Variants in PTPRG observed in about 807,000 individuals in gnomAD.
The protein encoded by PTPRG is receptor-type tyrosine-protein phosphatase gamma.
In PTPRG, 102 loss-of-function variants were observed where a neutral mutation model predicts 165.3. That is an observed-to-expected ratio of 0.62 (90% CI 0.53 to 0.73). The LOEUF is 0.73. PTPRG is among the 30% of genes least tolerant of loss of function. The pLI is 0.00. For synonymous variants in PTPRG, 675 were observed against 669.5 expected (o/e 1.01, Z -0.13); for missense variants, 1,866 against 1,861.4 (o/e 1.00, Z -0.05).
intron 2 of PTPRG, among the ~76,000 whole-genome samples, chr3:61,890,423 G>GTT (rs11328993): frequency 1.7e-5 from 2 of 119,226 alleles, no homozygotes; most frequent in Non-Finnish European, 3.5e-5. Context: ...TTTTTTTTTT[G>GTT]TTTTTTTTTT....
chr3:61,839,955 C>G (rs186994142), intron 2 of PTPRG, among the ~76,000 whole-genome samples: 2 of 152,182 alleles, frequency 1.3e-5, no homozygotes, highest in Admixed American at 6.5e-5. Flanking sequence ...GGTACTATTT[C>G]TTTTTCCTCC....
At chr3:62,109,904 A>G (rs913041618) in intron 5 of PTPRG, among the ~76,000 whole-genome samples, 1 of 152,036 alleles carries the variant, frequency 6.6e-6, no homozygotes, top group African/African-American at 2.4e-5. Context: ...TTCATCACCT[A>G]GTGGGCCATT....
intron 2 of PTPRG, among the ~76,000 whole-genome samples, chr3:61,773,163 GA>G (rs1353613830): frequency 6.6e-6 from 1 of 152,138 alleles, no homozygotes; most frequent in East Asian, 1.9e-4. Context: ...CAGAGGGGTT[GA>G]ATGTATGCAA....
rs757775460 is a variant in PTPRG at position 62,265,891 on chromosome 3, TTA to T, written c.2657-1514_2657-1513del. ...ACACACACACGTATACATCTGTGCCTTATATACACACACACACACACACACAC... is the reference window on the plus strand; with the variant it reads ...ACACACACACGTATACATCTGTGCCTTATACACACACACACACACACACAC... On this transcript the variant is annotated intron_variant, in intron 17 of 29. Transcript: ENST00000474889. Among the ~76,000 whole-genome samples the T allele has an allele frequency of 7.9e-4, 52 of 65,668 alleles. No homozygotes were observed. The East Asian group carries it at 0.01, about 13-fold the overall frequency. 43.1% of individuals were successfully genotyped at this position (65,668 alleles called of 152,430 possible).
chr3:61,648,571 T>TTA (rs1187653235), intron 1 of PTPRG, among the ~76,000 whole-genome samples: 3 of 152,238 alleles, frequency 2.0e-5, no homozygotes, highest in Non-Finnish European at 4.4e-5. Flanking sequence ...GGCAGCTAAA[T>TTA]GCAGGGTGTT....
rs1172734191 is a variant in PTPRG at position 61,562,166 on chromosome 3, G to C, written c.-122G>C. ...AGGGGACTCGGGCCGCCGAGCGCGG[G>C]GGGCCCGTGGAGCGGGCGAGCCGGG... On this transcript the variant is annotated 5_prime_UTR_variant, in exon 1 of 30. Transcript: ENST00000474889. 71 of 838,662 alleles carry C rather than the reference G, an allele frequency of 8.5e-5. No individual in the cohort carries two copies. The highest frequency in any genetic ancestry group is 1.2e-4 in the Non-Finnish European group (61 of 510,904). 52.0% of individuals were successfully genotyped at this position (838,662 alleles called of 1,614,324 possible).
At chr3:61,998,884 A>G (rs2107713354) in intron 3 of PTPRG, among the ~76,000 whole-genome samples, 1 of 152,278 alleles carries the variant, frequency 6.6e-6, no homozygotes, top group East Asian at 1.9e-4. Flanking sequence ...AAAATAACAT[A>G]AACTGGTGGC....
chr3:61,746,106 T>G (rs1391444343), intron 1 of PTPRG, among the ~76,000 whole-genome samples: 2 of 149,330 alleles, frequency 1.3e-5, no homozygotes, highest in Non-Finnish European at 3.0e-5. Flanking sequence ...TGGAGTGGAG[T>G]GGCACAATCA....
At chr3:62,138,306 A>G (rs1703793046) in intron 6 of PTPRG, among the ~76,000 whole-genome samples, 1 of 152,254 alleles carries the variant, frequency 6.6e-6, no homozygotes, top group East Asian at 1.9e-4. Flanking sequence ...TAACATAACC[A>G]TATTTATTGA....
At chr3:61,787,224 G>C (rs567608170) in intron 2 of PTPRG, among the ~76,000 whole-genome samples, 5 of 152,202 alleles carry the variant, frequency 3.3e-5, no homozygotes, top group Non-Finnish European at 5.9e-5. Context: ...AGGAATTATG[G>C]TGATGAATAA....
chr3:62,082,357 C>A (rs1423664540), intron 5 of PTPRG, among the ~76,000 whole-genome samples: 1 of 152,176 alleles, frequency 6.6e-6, no homozygotes, highest in East Asian at 1.9e-4. Flanking sequence ...ACAAACCTAG[C>A]AGACATCTGG....
intron 1 of PTPRG, among the ~76,000 whole-genome samples, chr3:61,735,772 A>G (rs560244702): frequency 2.4e-4 from 36 of 152,288 alleles, no homozygotes; most frequent in Non-Finnish European, 4.3e-4. Flanking sequence ...TGCAGAGACA[A>G]TTTACCATAG....
At chr3:62,048,321 C>CT (rs1214045020) in intron 4 of PTPRG, among the ~76,000 whole-genome samples, 1 of 152,184 alleles carries the variant, frequency 6.6e-6, no homozygotes, top group African/African-American at 2.4e-5. Flanking sequence ...AACCTGCTTG[C>CT]TTGACAGTTT....
intron 2 of PTPRG, among the ~76,000 whole-genome samples, chr3:61,969,851 G>C: frequency 6.6e-6 from 1 of 152,122 alleles, no homozygotes; most frequent in Non-Finnish European, 1.5e-5. Flanking sequence ...AGCTGCACTG[G>C]GTAGATGGTA....
intron 17 of PTPRG, among the ~76,000 whole-genome samples, chr3:62,265,357 CTAAG>C (rs887519040): frequency 6.6e-6 from 1 of 151,940 alleles, no homozygotes; most frequent in African/African-American, 2.4e-5. Flanking sequence ...AAATTTATTC[CTAAG>C]TATTTTATTC....
intron 2 of PTPRG, among the ~76,000 whole-genome samples, chr3:61,851,393 A>G (rs2036959360): frequency 6.6e-6 from 1 of 152,174 alleles, no homozygotes; most frequent in Non-Finnish European, 1.5e-5. Context: ...TAGTTGGGAA[A>G]CATATTAACA....
intron 2 of PTPRG, among the ~76,000 whole-genome samples, chr3:61,796,878 C>A (rs866985504): frequency 2.6e-5 from 4 of 152,304 alleles, no homozygotes; most frequent in Middle Eastern, 6.8e-3. Flanking sequence ...CACATACTAA[C>A]CACTCCAAAA....
Position 62,293,411 on chromosome 3 carries a change from T to C in PTPRG, c.*104T>C. 9.8e-7 allele frequency: 1 copy of C among 1,015,718 alleles called. No homozygotes were observed. Among genetic ancestry groups the C allele is most frequent in the South Asian group, 2.4e-5 (1 of 41,340 alleles). 62.9% of individuals were successfully genotyped at this position (1,015,718 alleles called of 1,614,324 possible). ...AGGTTATACAATAACCCAGTTACTT[T>C]TTTACACTGATAAAAGTTTTGATAT... On this transcript the variant is annotated 3_prime_UTR_variant, in exon 30 of 30. Coordinates refer to ENST00000474889, the MANE Select transcript of PTPRG (RefSeq NM_002841.4).
intron 2 of PTPRG, among the ~76,000 whole-genome samples, chr3:61,971,814 A>G (rs2040390895): frequency 6.6e-6 from 1 of 152,248 alleles, no homozygotes; most frequent in Non-Finnish European, 1.5e-5. Context: ...TATATAAATT[A>G]TACCTCAATA....
Sources: gnomAD v4.1 joint callset for allele counts (sites outside exome capture counted in the v4.1 genomes callset) on GRCh38, gnomAD v4.1.1 for gene constraint, MANE v1.5 for transcripts, NCBI Gene and HGNC (gene_info 2026-07-23, HGNC 2026-07-21) for gene names.